Variants in HPD observed in about 807,000 individuals in gnomAD.
The protein encoded by HPD is 4-hydroxyphenylpyruvic acid oxidase.
HPD carries 35 observed loss-of-function variants against 56.9 expected under a neutral mutation model. The ratio of observed to expected loss-of-function variants is 0.62; its 90% CI spans 0.47 to 0.82. The LOEUF is 0.82. Ranked by LOEUF, HPD falls within the 40% of genes least tolerant of loss-of-function variation. The pLI is 0.00. For synonymous variants in HPD, 186 were observed against 200.2 expected (o/e 0.93, Z 0.60); for missense variants, 442 against 506.8 (o/e 0.87, Z 1.23).
chr12:121,847,918 C>A (rs1566570072), intron 9 of HPD, among the ~76,000 whole-genome samples: 1 of 152,128 alleles, frequency 6.6e-6, no homozygotes, highest in Non-Finnish European at 1.5e-5. Context: ...CCTGCCTGGG[C>A]CTCCAAAGTA....
chr12:121,857,966 C>G, intron 2 of HPD, 147 bp from the exon 3 acceptor site: 1 of 714,066 alleles, frequency 1.4e-6, no homozygotes, highest in Non-Finnish European at 2.6e-6. Context: ...CCTTGCCAAG[C>G]CTCAAAAGAG....
chr12:121,870,263 A>G, the HPD span, among the ~76,000 whole-genome samples: 1 of 152,168 alleles, frequency 6.6e-6, no homozygotes, highest in Non-Finnish European at 1.5e-5. Flanking sequence ...TACTAAGCAC[A>G]TTCCATGCTC....
chr12:121,847,154 C>T lies in HPD; in HGVS notation c.657G>A (p.Thr219=), dbSNP rs199904365. The T allele has an allele frequency of 4.0e-5, 64 of 1,614,090 alleles. No individual in the cohort carries two copies. The East Asian group carries it at 1.1e-3, about 27-fold the overall frequency. ...FWSVDDTQVH[T]EYSSLRSIVV... is the part of the protein sequence containing the mutation. The stretch of plus-strand genomic sequence containing the variant: ...CAATGGATCGCAGAGAGCTATATTC[C>T]GTGTGCACCTGCGTGTCATCCACGG... The change falls in exon 10 of 14, where the codon ACG becomes ACA. Residue 219 remains threonine (T), a synonymous_variant. Transcript: ENST00000289004.
upstream of HPD, among the ~76,000 whole-genome samples, chr12:121,865,841 G>A (rs566097827): frequency 2.0e-5 from 3 of 151,510 alleles, no homozygotes; most frequent in African/African-American, 7.3e-5. Context: ...AAAATAAAAA[G>A]AGCTGGGCGT....
At chr12:121,841,438 T>C (rs1038979920) in intron 12 of HPD, among the ~76,000 whole-genome samples, 1 of 152,188 alleles carries the variant, frequency 6.6e-6, no homozygotes, top group African/African-American at 2.4e-5. Flanking sequence ...CCAAAGTGCA[T>C]TGAAAACACG....
At chr12:121,848,914 C>T (rs1416658532) in intron 9 of HPD, 85 bp downstream of exon 9, 1 of 1,012,892 alleles carries the variant, frequency 9.9e-7, no homozygotes, top group Non-Finnish European at 1.6e-6. Flanking sequence ...TCGTATTTTC[C>T]ATGTTAGTGC....
chr12:121,853,056 T>C (rs1488062622), intron 7 of HPD, among the ~76,000 whole-genome samples: 2 of 152,178 alleles, frequency 1.3e-5, no homozygotes, highest in Admixed American at 6.6e-5. Flanking sequence ...GCCGTTATCC[T>C]CAGCAAACTA....
chr12:121,868,567 T>C (rs1878387426), upstream of HPD, among the ~76,000 whole-genome samples: 1 of 149,926 alleles, frequency 6.7e-6, no homozygotes, highest in Non-Finnish European at 1.5e-5. Context: ...TCCCCCAAGC[T>C]GGAGTGCAGT....
upstream of HPD, among the ~76,000 whole-genome samples, chr12:121,864,855 AAACAAC>A (rs149108918): frequency 0.076 from 11,426 of 150,566 alleles, 895 homozygotes; most frequent in African/African-American, 0.2. Flanking sequence ...TCCGTCTCAA[AAACAAC>A]AACAACAACA....
the HPD span, among the ~76,000 whole-genome samples, chr12:121,877,354 C>T: frequency 6.6e-6 from 1 of 152,118 alleles, no homozygotes; most frequent in Non-Finnish European, 1.5e-5. Flanking sequence ...TCTAGAGCCC[C>T]TCCAGATTTT....
At chr12:121,846,977 C>T in intron 10 of HPD, 44 bp from the exon 11 acceptor site, 1 of 1,613,018 alleles carries the variant, frequency 6.2e-7, no homozygotes, top group Non-Finnish European at 8.5e-7. Flanking sequence ...TGCCCCATCA[C>T]CCACATCCCT....
chr12:121,869,222 C>T, the HPD span, among the ~76,000 whole-genome samples: 4 of 151,940 alleles, frequency 2.6e-5, no homozygotes, highest in Admixed American at 6.6e-5. Flanking sequence ...TGGTGGCAGA[C>T]GCCTATAATC....
intron 7 of HPD, among the ~76,000 whole-genome samples, chr12:121,852,132 A>T: frequency 6.6e-6 from 1 of 151,284 alleles, no homozygotes; most frequent in East Asian, 1.9e-4. Context: ...CAATCCTCCC[A>T]CCTCAGCCTC....
chr12:121,861,299 G>A (rs1206101695), upstream of HPD, among the ~76,000 whole-genome samples: 2 of 150,580 alleles, frequency 1.3e-5, no homozygotes, highest in Admixed American at 1.3e-4. Context: ...TCATGCCACT[G>A]CACTCCAGCC....
rs1877936022 is a variant in HPD at position 121,854,797 on chromosome 12, A to G, written c.325-5T>C. On this transcript the variant is annotated splice_region_variant and splice_polypyrimidine_tract_variant and intron_variant, in intron 6 of 13. Transcript: ENST00000289004. Reference sequence around the variant, plus strand: ...GGCGCCCCGTTCCCGTGCTTTCTGCAGAGAAGATGGGATCGGGGAATTGGT... The same window carrying G: ...GGCGCCCCGTTCCCGTGCTTTCTGCGGAGAAGATGGGATCGGGGAATTGGT... 2 of 1,611,002 alleles carry G rather than the reference A, an allele frequency of 1.2e-6. No homozygotes were observed. The highest frequency in any genetic ancestry group is 1.3e-5 in the African/African-American group (1 of 74,854).
At chr12:121,879,118 C>G in the HPD span, among the ~76,000 whole-genome samples, 2 of 151,950 alleles carry the variant, frequency 1.3e-5, no homozygotes, top group African/African-American at 4.8e-5. Context: ...AGCTCTGTCG[C>G]TACTAAAAAT....
the HPD span, among the ~76,000 whole-genome samples, chr12:121,880,906 C>A: frequency 1.3e-5 from 2 of 152,154 alleles, no homozygotes; most frequent in African/African-American, 2.4e-5. Context: ...GCAATCCCCC[C>A]ACATCAGCCT....
chr12:121,857,947 C>T, intron 2 of HPD, 128 bp from the exon 3 acceptor site: 1 of 744,326 alleles, frequency 1.3e-6, no homozygotes, highest in Non-Finnish European at 2.4e-6. Context: ...GCAGCGGAAC[C>T]CCATGCAGCC....
intron 11 of HPD, among the ~76,000 whole-genome samples, chr12:121,844,528 A>T (rs1337533202): frequency 6.7e-6 from 1 of 148,884 alleles, no homozygotes; most frequent in Non-Finnish European, 1.5e-5. Flanking sequence ...CGGGCAGATC[A>T]CTTGAAGTCA....
Sources: allele counts gnomAD v4.1 joint callset (sites outside exome capture counted in the v4.1 genomes callset), GRCh38; gene constraint gnomAD v4.1.1; transcripts MANE v1.5; gene names NCBI Gene and HGNC (gene_info 2026-07-23, HGNC 2026-07-21).